GLRA2: variants seen among roughly 807,000 people sequenced by gnomAD.
GLRA2 encodes the protein glycine receptor alpha 2.
GLRA2 carries 11 observed loss-of-function variants against 31.6 expected under a neutral mutation model. The ratio of observed to expected loss-of-function variants is 0.35; its 90% CI spans 0.22 to 0.58. GLRA2 has a LOEUF of 0.58. GLRA2 is among the 20% of genes least tolerant of loss of function. GLRA2 has a pLI of 0.84. For synonymous variants in GLRA2, 132 were observed against 134.0 expected, an observed-to-expected ratio of 0.99 and a Z score of 0.10; for missense variants, 212 against 351.8, an observed-to-expected ratio of 0.60 and a Z score of 3.18.
At chrX:14,490,902 A>ACACTCTG in the GLRA2 span, among the ~76,000 whole-genome samples, 1 of 111,690 alleles carries the variant, frequency 9.0e-6, no homozygotes, top group Non-Finnish European at 1.9e-5. Context: ...CACACAGCAC[A>ACACTCTG]CACTCTGCAC....
At chrX:14,617,457 A>G (rs964219340) in intron 7 of GLRA2, among the ~76,000 whole-genome samples, 13 of 111,887 alleles carry the variant, frequency 1.2e-4, no homozygotes, top group Non-Finnish European at 2.4e-4. Context: ...CTGTGTCTAC[A>G]CCCTTGGGTA....
the GLRA2 span, among the ~76,000 whole-genome samples, chrX:14,499,566 T>A: frequency 9.0e-6 from 1 of 111,516 alleles, no homozygotes; most frequent in East Asian, 2.8e-4. Context: ...GCAACATGGA[T>A]GCAGCTGGAG....
chrX:14,564,929 C>A (rs769294479), intron 2 of GLRA2, among the ~76,000 whole-genome samples: 1 of 108,392 alleles, frequency 9.2e-6, no homozygotes, highest in Admixed American at 9.9e-5. Context: ...AAAAGAAAAT[C>A]CAAATGGTTC....
At chrX:14,557,714 A>G (rs940137276) in intron 2 of GLRA2, among the ~76,000 whole-genome samples, 2 of 111,565 alleles carry the variant, frequency 1.8e-5, no homozygotes, top group African/African-American at 6.5e-5. Context: ...TCTGATTGTC[A>G]CAACAGGGGG....
At chrX:14,634,620 A>C (rs1376275864) in intron 7 of GLRA2, among the ~76,000 whole-genome samples, 1 of 111,681 alleles carries the variant, frequency 9.0e-6, no homozygotes, top group Non-Finnish European at 1.9e-5. Context: ...TCTAGCACAG[A>C]GATAGAACCC....
chrX:14,573,780 T>C (rs1395806768), intron 2 of GLRA2, among the ~76,000 whole-genome samples: 1 of 110,631 alleles, frequency 9.0e-6, no homozygotes, highest in Non-Finnish European at 1.9e-5. Flanking sequence ...TAATTTTGTT[T>C]GTTATATTTC....
chrX:14,523,493 G>A, the GLRA2 span, among the ~76,000 whole-genome samples: 7 of 112,170 alleles, frequency 6.2e-5, no homozygotes, highest in Admixed American at 5.7e-4. Flanking sequence ...TGACTTGGCT[G>A]TCTGTGCAAG....
chrX:14,700,872 G>A (rs1422548997), intron 8 of GLRA2, among the ~76,000 whole-genome samples: 1 of 109,998 alleles, frequency 9.1e-6, no homozygotes, highest in Non-Finnish European at 1.9e-5. Flanking sequence ...TGTTTATAGA[G>A]AGAATAATAT....
chrX:14,563,109 C>T (rs931400993), intron 2 of GLRA2, among the ~76,000 whole-genome samples: 1 of 112,369 alleles, frequency 8.9e-6, no homozygotes, highest in Non-Finnish European at 1.9e-5. Context: ...ATTTAGAAAG[C>T]CACTGCATTT....
chrX:14,510,941 ATTATAC>A, the GLRA2 span, among the ~76,000 whole-genome samples: 2 of 109,300 alleles, frequency 1.8e-5, no homozygotes, highest in South Asian at 3.9e-4. Context: ...TTTTTTTATT[ATTATAC>A]TTTAAGTTTT....
chrX:14,663,040 C>CAGAT (rs1399136788), intron 7 of GLRA2, among the ~76,000 whole-genome samples: 1 of 110,939 alleles, frequency 9.0e-6, no homozygotes, highest in African/African-American at 3.3e-5. Flanking sequence ...TTGAGTTTTC[C>CAGAT]AGATAGACTG....
rs1011692044 is a variant in GLRA2, at chrX:14,725,835, G to T, written c.1081-4372G>T. 4.5e-5 allele frequency among the ~76,000 whole-genome samples: 5 copies of T among 112,197 alleles called. No homozygotes were observed. In the Admixed American group the frequency reaches 4.7e-4, roughly 11 times the overall value. ...TTCAAGCAAATTGCACAGTGCCATG[G>T]CAGTGCTTTATACAGCAGACGGGAT... On this transcript the variant is annotated intron_variant, in intron 8 of 8. Coordinates refer to ENST00000218075, the MANE Select transcript of GLRA2 (RefSeq NM_002063.4).
intron 7 of GLRA2, among the ~76,000 whole-genome samples, chrX:14,646,282 C>T (rs962407142): frequency 3.5e-4 from 39 of 112,057 alleles, no homozygotes; most frequent in African/African-American, 1.2e-3. Flanking sequence ...AAGCCATGTG[C>T]ATTATGGCTC....
chrX:14,704,651 C>T (rs2091594595), intron 8 of GLRA2, among the ~76,000 whole-genome samples: 1 of 111,639 alleles, frequency 9.0e-6, no homozygotes, highest in African/African-American at 3.3e-5. Flanking sequence ...CGAGTATAAC[C>T]GTTTATAAAA....
upstream of GLRA2, among the ~76,000 whole-genome samples, chrX:14,528,474 A>G (rs927537586): frequency 3.6e-5 from 4 of 112,251 alleles, no homozygotes; most frequent in South Asian, 1.1e-3. Context: ...CTCCTAGCTT[A>G]TGGTAGGACA....
chrX:14,582,336 G>A (rs774716446), intron 4 of GLRA2, among the ~76,000 whole-genome samples: 3 of 107,569 alleles, frequency 2.8e-5, no homozygotes, highest in East Asian at 2.9e-4. Flanking sequence ...TTCTTCTTGC[G>A]ATAGTTTACT....
chrX:14,536,438 G>T (rs1429584709), intron 2 of GLRA2, among the ~76,000 whole-genome samples: 2 of 111,980 alleles, frequency 1.8e-5, no homozygotes, highest in Non-Finnish European at 3.8e-5. Context: ...AGCCTGGTTG[G>T]CATCAGACAT....
chrX:14,648,869 A>T (rs925957120), intron 7 of GLRA2, among the ~76,000 whole-genome samples: 1 of 112,196 alleles, frequency 8.9e-6, no homozygotes, highest in Non-Finnish European at 1.9e-5. Context: ...ATCCTCATGC[A>T]CTTCTGGTGG....
the GLRA2 span, among the ~76,000 whole-genome samples, chrX:14,451,448 C>T: frequency 1.8e-5 from 2 of 109,520 alleles, no homozygotes; most frequent in Non-Finnish European, 3.8e-5. Flanking sequence ...CTGGGCAACA[C>T]GGTAAAACCC....
Sources: allele counts gnomAD v4.1 joint callset (sites outside exome capture counted in the v4.1 genomes callset), GRCh38; gene constraint gnomAD v4.1.1; transcripts MANE v1.5; gene names NCBI Gene and HGNC (gene_info 2026-07-23, HGNC 2026-07-21).